CYP4F8: variants seen among roughly 807,000 people sequenced by gnomAD.
CYP4F8 encodes cytochrome P450 4F8.
Under a neutral mutation model 55.0 loss-of-function variants are expected in CYP4F8, and 56 were observed. The observed-to-expected ratio is 1.02, with a 90% CI of 0.82 to 1.27. CYP4F8 has a LOEUF of 1.27. Ranked by LOEUF, CYP4F8 falls within the 50% of genes most tolerant of loss-of-function variation. CYP4F8 has a pLI of 0.00. For synonymous variants in CYP4F8, 288 were observed against 267.3 expected (o/e 1.08, Z -0.76); for missense variants, 680 against 682.4 (o/e 1.00, Z 0.04).
Position 15,622,442 on chromosome 19 carries a change from A to T in CYP4F8, c.647+102A>T. 3.3e-6 allele frequency: 5 copies of T among 1,493,958 alleles called. 1 individual carries two copies. The highest frequency in any genetic ancestry group is 4.5e-6 in the Non-Finnish European group (5 of 1,100,854). 92.5% of individuals were successfully genotyped at this position (1,493,958 alleles called of 1,614,324 possible). Reference sequence around the variant, plus strand: ...CAAGAAGAGCCTTCCTGGAGAGATGATGAGAACTAGGCATTGAAGGACAAA... The same window carrying T: ...CAAGAAGAGCCTTCCTGGAGAGATGTTGAGAACTAGGCATTGAAGGACAAA... On this transcript the variant is annotated intron_variant, in intron 6 of 12. Transcript: ENST00000612078.
rs1972311435 is a variant in CYP4F8, at chr19:15,629,636, A to C, written c.*278A>C. On this transcript the variant is annotated 3_prime_UTR_variant, in exon 13 of 13. Transcript: ENST00000612078. ...TCTAAGTAAAGACTTTTTCCCCCCC[A>C]AAATAATTGTGTATTCTGATATAAA... The C allele has an allele frequency of 5.3e-6, 2 of 374,176 alleles. No individual in the cohort carries two copies. 23.2% of individuals were successfully genotyped at this position (374,176 alleles called of 1,614,324 possible). A position where few individuals can be genotyped will look rare whatever the true frequency, so the allele number is the denominator to read the frequency against.
chr19:15,619,212 G>A (rs983823350), intron 3 of CYP4F8: 2 of 413,420 alleles, frequency 4.8e-6, no homozygotes, highest in Admixed American at 4.0e-5. Flanking sequence ...TTATGCTTGG[G>A]TGTTGCAGAA....
chr19:15,625,345 T>G (rs564479603), intron 9 of CYP4F8, among the ~76,000 whole-genome samples: 3 of 128,464 alleles, frequency 2.3e-5, no homozygotes, highest in Non-Finnish European at 5.1e-5. Flanking sequence ...TATATATATA[T>G]AGTGTATATA....
intron 5 of CYP4F8, 191 bp from the exon 6 acceptor site, chr19:15,622,028 A>C: frequency 1.5e-6 from 1 of 681,220 alleles, no homozygotes; most frequent in Non-Finnish European, 2.3e-6. Context: ...GCTTGAACCC[A>C]GCCATGGGAT....
chr19:15,624,177 G>A (rs1294513048), intron 9 of CYP4F8, 83 bp downstream of exon 9: 4 of 1,555,374 alleles, frequency 2.6e-6, no homozygotes, highest in Non-Finnish European at 3.5e-6. Flanking sequence ...GGGGAAAAGG[G>A]GAGGATCTTT....
intron 9 of CYP4F8, 106 bp downstream of exon 9, chr19:15,624,200 C>G: frequency 6.6e-7 from 1 of 1,515,058 alleles, no homozygotes; most frequent in South Asian, 1.3e-5. Context: ...GATGATTCTG[C>G]CATTGTTGCC....
intron 11 of CYP4F8, 75 bp downstream of exon 11, chr19:15,628,670 C>A: frequency 6.2e-7 from 1 of 1,606,200 alleles, no homozygotes; most frequent in Non-Finnish European, 8.5e-7. Context: ...ACCAGATACT[C>A]CCTCTCTACT....
chr19:15,619,731 AG>A lies in CYP4F8; in HGVS notation c.495del (p.Ile166PhefsTer33). Reference sequence around the variant, plus strand: ...TTCAACATCCTGAAGCCCTATATAAAGATTTTCAGCAAGAGTGCAAACATCA... The same window carrying A: ...TTCAACATCCTGAAGCCCTATATAAAATTTTCAGCAAGAGTGCAAACATCA... ...FHFNILKPYI[K>X]IFSKSANIMH... On this transcript the variant is annotated frameshift_variant, in exon 5 of 13. Transcript: ENST00000612078. LOFTEE classifies it high-confidence loss of function. 1 of 1,614,206 alleles carries A rather than the reference AG, an allele frequency of 6.2e-7. No homozygotes were observed. The highest frequency in any genetic ancestry group is 8.5e-7 in the Non-Finnish European group (1 of 1,180,032).
intron 6 of CYP4F8, chr19:15,622,896 CAGAG>C: frequency 3.3e-6 from 2 of 601,988 alleles, no homozygotes; most frequent in Non-Finnish European, 5.8e-6. Flanking sequence ...TTTTATAAGA[CAGAG>C]AGAGGAGATG....
At chr19:15,628,203 G>T in intron 9 of CYP4F8, 99 bp from the exon 10 acceptor site, 2 of 1,532,468 alleles carry the variant, frequency 1.3e-6, no homozygotes, top group Non-Finnish European at 8.8e-7. Flanking sequence ...AATTAATTTT[G>T]TTATAGGACT....
chr19:15,622,263 T>C lies in CYP4F8; in HGVS notation c.570T>C (p.Asp190=). The change falls in exon 6 of 13, where the codon GAT becomes GAC. Residue 190 remains aspartate (D), a synonymous_variant. Transcript: ENST00000612078. ...CCATGGAGGGCAGCACCTGTCTGGA[T>C]GTGTTTGAGCACATCAGCCTTATGA... ...RLAMEGSTCL[D]VFEHISLMTL... The C allele has an allele frequency of 6.2e-7, 1 of 1,613,732 alleles. No individual in the cohort carries two copies. Among genetic ancestry groups the C allele is most frequent in the Non-Finnish European group, 8.5e-7 (1 of 1,179,868 alleles).
rs775007860 is a variant in CYP4F8, at chr19:15,618,142, C to T, written c.341C>T (p.Ser114Leu). 3.1e-6 allele frequency: 5 copies of T among 1,614,118 alleles called. No homozygotes were observed. Among genetic ancestry groups the T allele is most frequent in the Non-Finnish European group, 4.2e-6 (5 of 1,179,980 alleles). ...ATCGTCCGATCTGTCATCAATACCT[C>T]AGGTACTCCTGCAGAGCTTGTGGTG... ...PDIVRSVINTSDAITDKDIVF... is the reference protein window; with the variant it reads ...PDIVRSVINTLDAITDKDIVF... Residue 114 changes from serine to leucine, a missense_variant and splice_region_variant, in exon 3 of 13, where the codon TCA becomes TTA. Ser to Leu is a moderately radical substitution (Grantham distance 145). Coordinates refer to ENST00000612078, the MANE Select transcript of CYP4F8 (RefSeq NM_007253.4).
In CYP4F8 at chr19:15,628,288, G is replaced by A. The variant is rs1461202989; in HGVS notation, c.1116-14G>A. ...CGTGTATGCTCTCTGGATAATTGTTGGGTGTTTCCTTAGGGACGACCTGGC... is the reference window on the plus strand; with the variant it reads ...CGTGTATGCTCTCTGGATAATTGTTAGGTGTTTCCTTAGGGACGACCTGGC... On this transcript the variant is annotated splice_polypyrimidine_tract_variant and intron_variant, in intron 9 of 12. Transcript: ENST00000612078. 6.2e-7 allele frequency: 1 copy of A among 1,613,874 alleles called. No individual in the cohort carries two copies. Among genetic ancestry groups the A allele is most frequent in the Non-Finnish European group, 8.5e-7 (1 of 1,179,944 alleles).
rs989222850 is a variant in CYP4F8, at chr19:15,628,344, G to T, written c.1158G>T (p.Lys386Asn). 1 of 1,614,082 alleles carries T rather than the reference G, an allele frequency of 6.2e-7. No homozygotes were observed. The highest frequency in any genetic ancestry group is 8.5e-7 in the Non-Finnish European group (1 of 1,180,014). ...TGCCCTTCCTGACCATGTGCCTGAA[G>T]GAGAGCCTGCGGTTGCATCCCCCAA... ...AQLPFLTMCL[K>N]ESLRLHPPIP... The change falls in exon 10 of 13, where the codon AAG becomes AAT. Residue 386 changes from lysine to asparagine, a missense_variant. Transcript: ENST00000612078.
chr19:15,628,881 G>A (rs771338346), intron 12 of CYP4F8, 38 bp downstream of exon 12: 1 of 1,543,942 alleles, frequency 6.5e-7, no homozygotes, highest in Non-Finnish European at 8.7e-7. Context: ...CATGGGCTGA[G>A]GGTGGCACAG....
At position 15,629,059 on chromosome 19, in the gene CYP4F8, G is replaced by A. The variant is rs1401845830; in HGVS notation, c.1398-134G>A. On this transcript the variant is annotated intron_variant, in intron 12 of 12. Transcript: ENST00000612078. ...TGGGAATATGCAAGCCCACATGGGG[G>A]TCCCAGACCCAGCTTCCCCCCTGTC... The A allele has an allele frequency of 2.2e-6, 3 of 1,351,436 alleles. No individual in the cohort carries two copies. In the African/African-American group the frequency reaches 4.4e-5, roughly 20 times the overall value. 83.7% of individuals were successfully genotyped at this position (1,351,436 alleles called of 1,614,324 possible).
At chr19:15,620,935 T>C (rs565274603) in intron 5 of CYP4F8, among the ~76,000 whole-genome samples, 3 of 152,254 alleles carry the variant, frequency 2.0e-5, no homozygotes, top group Non-Finnish European at 4.4e-5. Context: ...TACTTTTGCA[T>C]GGATTCTGCC....
At chr19:15,616,258 A>ACTCATTCCTCTCCTCGCTCC (rs1972120454) in intron 2 of CYP4F8, among the ~76,000 whole-genome samples, 3 of 143,626 alleles carry the variant, frequency 2.1e-5, no homozygotes, top group Admixed American at 6.9e-5. Context: ...CTCCTCGCTC[A>ACTCATTCCTCTCCTCGCTCC]CTCATTCCTC....
intron 2 of CYP4F8, among the ~76,000 whole-genome samples, chr19:15,617,483 C>CATCTATCTATCTATCTATCT (rs71176449): frequency 4.0e-5 from 6 of 149,564 alleles, no homozygotes; most frequent in African/African-American, 9.9e-5. Context: ...TCAATATCTA[C>CATCTATCTATCTATCTATCT]ATCTATCTAT....
Sources: gnomAD v4.1 joint callset for allele counts (sites outside exome capture counted in the v4.1 genomes callset) on GRCh38, gnomAD v4.1.1 for gene constraint, MANE v1.5 for transcripts, NCBI Gene and HGNC (gene_info 2026-07-23, HGNC 2026-07-21) for gene names.